STARD13: variants seen among roughly 807,000 people sequenced by gnomAD.
The protein encoded by STARD13 is StAR related lipid transfer domain containing 13.
In STARD13, 62 loss-of-function variants were observed where a neutral mutation model predicts 106.4. The observed-to-expected ratio is 0.58, with a 90% confidence interval of 0.48 to 0.72. The LOEUF is 0.72. Among genes scored for constraint, STARD13 ranks in the 30% least tolerant of loss-of-function variants. The probability of loss-of-function intolerance (pLI) is 0.00; values close to 1 mark genes in which losing one functional copy is unlikely to be tolerated. For missense variants in STARD13, 1,387 were observed against 1,424.0 expected (o/e 0.97, Z 0.42); for synonymous variants, 565 against 553.0 (o/e 1.02, Z -0.31).
the STARD13 span, among the ~76,000 whole-genome samples, chr13:33,658,737 C>A: frequency 0.86 from 130,757 of 152,172 alleles, 57,045 homozygotes; most frequent in South Asian, 0.96. Context: ...ATGCTAAGAC[C>A]GTGGCTAGCA....
chr13:33,203,552 A>T (rs533299124), intron 1 of STARD13, among the ~76,000 whole-genome samples: 1 of 152,194 alleles, frequency 6.6e-6, no homozygotes, highest in Admixed American at 6.5e-5. Context: ...AAAATTACAT[A>T]TATTCAACCA....
At chr13:33,611,049 C>G in the STARD13 span, 1 of 152,250 alleles carries the variant, frequency 6.6e-6, no homozygotes, top group Non-Finnish European at 1.5e-5. Flanking sequence ...GCAACATCCT[C>G]AGAAATCTTA....
At chr13:33,640,618 A>G in the STARD13 span, among the ~76,000 whole-genome samples, 2 of 152,192 alleles carry the variant, frequency 1.3e-5, no homozygotes, top group Non-Finnish European at 2.9e-5. Context: ...TCTATCAATT[A>G]CTTGTGAGAA....
At chr13:33,117,616 T>C (rs897757789) in intron 8 of STARD13, 5 of 979,238 alleles carry the variant, frequency 5.1e-6, no homozygotes, top group Non-Finnish European at 6.1e-6. Context: ...CCAATGAAGA[T>C]ACTTTGTGCT....
chr13:33,209,975 AAAC>A (rs1887629711), intron 1 of STARD13, among the ~76,000 whole-genome samples: 1 of 152,138 alleles, frequency 6.6e-6, no homozygotes, highest in African/African-American at 2.4e-5. Flanking sequence ...CTGTCTTGAA[AAAC>A]AAACAAACAA....
At chr13:33,532,297 GAA>G in the STARD13 span, among the ~76,000 whole-genome samples, 4 of 152,116 alleles carry the variant, frequency 2.6e-5, no homozygotes, top group South Asian at 2.1e-4. Context: ...GAAAAAAACT[GAA>G]GTTTATCTAA....
chr13:33,329,507 C>T (rs984634504), intron 1 of STARD13, among the ~76,000 whole-genome samples: 5 of 152,030 alleles, frequency 3.3e-5, no homozygotes, highest in African/African-American at 4.8e-5. Flanking sequence ...TTAGATTCTA[C>T]GTAAAAGGGA....
chr13:33,110,683 T>C lies in STARD13; in HGVS notation c.2829+3A>G. 2 of 1,612,606 alleles carry C rather than the reference T, an allele frequency of 1.2e-6. No homozygotes were observed. The highest frequency in any genetic ancestry group is 1.1e-5 in the South Asian group (1 of 91,044). ...GTGATCTTTTTCCATCCTCTGAGATTACCTTTTTGAAAGCAAGATCTGTAT... is the reference window on the plus strand; with the variant it reads ...GTGATCTTTTTCCATCCTCTGAGATCACCTTTTTGAAAGCAAGATCTGTAT... On this transcript the variant is annotated splice_donor_region_variant and intron_variant, in intron 11 of 13. Transcript: ENST00000336934.
intron 1 of STARD13, among the ~76,000 whole-genome samples, chr13:33,306,373 C>A (rs9569307): frequency 1.3e-5 from 2 of 151,832 alleles, no homozygotes; most frequent in Admixed American, 1.3e-4. Flanking sequence ...CTATAAAAAC[C>A]CTAGAAGAAA....
the STARD13 span, among the ~76,000 whole-genome samples, chr13:33,371,916 A>G: frequency 6.6e-6 from 1 of 152,242 alleles, no homozygotes; most frequent in Non-Finnish European, 1.5e-5. Flanking sequence ...AAGCTCAGAC[A>G]AAGAAACTTG....
At chr13:33,633,989 TCAGA>T in the STARD13 span, among the ~76,000 whole-genome samples, 2 of 152,204 alleles carry the variant, frequency 1.3e-5, no homozygotes, top group South Asian at 4.1e-4. Flanking sequence ...AATAGATTCA[TCAGA>T]CAGTCTAGAC....
At chr13:33,512,894 C>T in the STARD13 span, among the ~76,000 whole-genome samples, 1 of 152,146 alleles carries the variant, frequency 6.6e-6, no homozygotes, top group Non-Finnish European at 1.5e-5. Context: ...GAAACCAACC[C>T]TGTGCATATC....
intron 1 of STARD13, among the ~76,000 whole-genome samples, chr13:33,235,011 A>G (rs1300330532): frequency 6.6e-6 from 1 of 152,234 alleles, no homozygotes. Context: ...AAATGTTCAG[A>G]AAACTCCTTC....
intron 1 of STARD13, among the ~76,000 whole-genome samples, chr13:33,317,402 A>G (rs1312840739): frequency 6.6e-6 from 1 of 152,142 alleles, no homozygotes; most frequent in East Asian, 1.9e-4. Flanking sequence ...TTCCCTTCAA[A>G]TGCACTCCAA....
Position 33,127,525 on chromosome 13 carries a change from G to T in STARD13, c.1770C>A (p.Phe590Leu), listed in dbSNP as rs1044083856. The change falls in exon 6 of 14, where the codon TTC (phenylalanine) becomes TTA (leucine). Residue 590 changes from phenylalanine to leucine, a missense_variant. Phe to Leu is a conservative substitution (Grantham distance 22). Transcript: ENST00000336934. ...RPNRRLRWNS[F>L]QLSHQPRPAP... ...CCGGCCGGGGCTGGTGCGACAGCTG[G>T]AAACTGTTCCATCGGAGTCGCCTTT... 2 of 1,558,136 alleles carry T rather than the reference G, an allele frequency of 1.3e-6. No homozygotes were observed. The highest frequency in any genetic ancestry group is 1.4e-5 in the African/African-American group (1 of 73,652).
At position 33,104,202 on chromosome 13, in the gene STARD13, T is replaced by C. The variant is rs1388937258; in HGVS notation, c.*1391A>G. ...CTGAAATCAAACACACAATAAGTTA[T>C]CTTTCTCTCTATAGCTGTTGAATTA... On this transcript the variant is annotated 3_prime_UTR_variant, in exon 14 of 14. Transcript: ENST00000336934. 6.6e-6 allele frequency: 1 copy of C among 152,240 alleles called. No homozygotes were observed. The highest frequency in any genetic ancestry group is 1.5e-5 in the Non-Finnish European group (1 of 68,044). 9.4% of individuals were successfully genotyped at this position (152,240 alleles called of 1,614,324 possible).
At position 33,323,320 on chromosome 13, in the gene STARD13, T is replaced by C. The variant is rs528114867; in HGVS notation, c.124+26970A>G. On this transcript the variant is annotated intron_variant, in intron 1 of 5. Transcript: ENST00000567873. ...ACCCTTTCTCCTATGGAATTTACACTACCCTCCAGAACTCAGCTCAAACGC... is the reference window on the plus strand; with the variant it reads ...ACCCTTTCTCCTATGGAATTTACACCACCCTCCAGAACTCAGCTCAAACGC... Among the ~76,000 whole-genome samples the C allele has an allele frequency of 1.4e-3, 217 of 152,308 alleles. 2 individuals are homozygous for C. Among genetic ancestry groups the C allele is most frequent in the Non-Finnish European group, 2.2e-3 (151 of 68,016 alleles).
intron 1 of STARD13, among the ~76,000 whole-genome samples, chr13:33,210,805 C>G (rs1054819611): frequency 5.3e-5 from 8 of 152,210 alleles, no homozygotes; most frequent in African/African-American, 7.2e-5. Flanking sequence ...CTGCTAGCAT[C>G]TAATCAACCA....
chr13:33,378,797 CAAAAAAAA>C, the STARD13 span, among the ~76,000 whole-genome samples: 4 of 104,668 alleles, frequency 3.8e-5, no homozygotes, highest in African/African-American at 1.4e-4. Flanking sequence ...CTCAAAAAAA[CAAAAAAAA>C]AAAAAAGAAA....
Sources: allele counts gnomAD v4.1 joint callset (sites outside exome capture counted in the v4.1 genomes callset), GRCh38; gene constraint gnomAD v4.1.1; transcripts MANE v1.5; gene names NCBI Gene and HGNC (gene_info 2026-07-23, HGNC 2026-07-21).